The following TAFA2 variants were observed in gnomAD, a reference collection of about 807,000 sequenced individuals.
TAFA2 encodes the protein TAFA chemokine like family member 2.
In TAFA2, 7 loss-of-function variants were observed where a neutral mutation model predicts 18.8. The ratio of observed to expected loss-of-function variants is 0.37; its 90% CI spans 0.21 to 0.70. TAFA2 has a LOEUF of 0.70. TAFA2 is among the 30% of genes least tolerant of loss of function. The probability of loss-of-function intolerance (pLI) is 0.53; values close to 1 mark genes in which losing one functional copy is unlikely to be tolerated. For synonymous variants in TAFA2, 60 were observed against 54.2 expected, an observed-to-expected ratio of 1.11 and a Z score of -0.47; for missense variants, 122 against 158.1, an observed-to-expected ratio of 0.77 and a Z score of 1.23.
At chr12:62,015,196 A>G (rs1880892608) in intron 1 of TAFA2, among the ~76,000 whole-genome samples, 1 of 152,172 alleles carries the variant, frequency 6.6e-6, no homozygotes, top group Non-Finnish European at 1.5e-5. Flanking sequence ...TACAACTAAT[A>G]TATCATTTGT....
intron 1 of TAFA2, among the ~76,000 whole-genome samples, chr12:61,931,893 C>T (rs1019556009): frequency 2.0e-5 from 3 of 152,112 alleles, no homozygotes; most frequent in African/African-American, 7.2e-5. Context: ...ATATACAGGG[C>T]TCTTACCTGC....
chr12:62,075,996 A>G (rs1426129271), intron 1 of TAFA2, among the ~76,000 whole-genome samples: 1 of 152,212 alleles, frequency 6.6e-6, no homozygotes, highest in African/African-American at 2.4e-5. Context: ...CCTGGCAAAT[A>G]TTACTCAGTT....
chr12:61,743,410 A>AT (rs1330527783), intron 4 of TAFA2, among the ~76,000 whole-genome samples: 2 of 151,996 alleles, frequency 1.3e-5, no homozygotes, highest in Admixed American at 6.6e-5. Context: ...ACAAATCTAC[A>AT]TTTTTTTCTT....
At chr12:62,017,865 C>T (rs2136723846) in intron 1 of TAFA2, among the ~76,000 whole-genome samples, 1 of 152,268 alleles carries the variant, frequency 6.6e-6, no homozygotes, top group East Asian at 1.9e-4. Flanking sequence ...ACAACCTAAA[C>T]TGCCATTCAA....
chr12:61,824,016 G>GTCACT (rs1467482013), intron 2 of TAFA2, among the ~76,000 whole-genome samples: 3 of 152,092 alleles, frequency 2.0e-5, no homozygotes, highest in African/African-American at 7.2e-5. Flanking sequence ...GTGACAGGAT[G>GTCACT]TCACTTCACA....
At chr12:62,140,411 A>G (rs2062231453) in intron 1 of TAFA2, 1 of 152,156 alleles carries the variant, frequency 6.6e-6, no homozygotes, top group Admixed American at 6.5e-5. Context: ...TGCTATCCAT[A>G]TCTGGTGACC....
chr12:62,140,298 A>T (rs985408522), intron 1 of TAFA2: 4 of 152,186 alleles, frequency 2.6e-5, no homozygotes, highest in African/African-American at 9.7e-5. Context: ...TTTGGTAGAC[A>T]TTCAAAGAAG....
chr12:62,065,701 C>G (rs752996196), intron 1 of TAFA2, among the ~76,000 whole-genome samples: 25 of 150,364 alleles, frequency 1.7e-4, no homozygotes, highest in Non-Finnish European at 3.6e-4. Flanking sequence ...GATAAAAATT[C>G]TGTGTGTGTG....
intron 1 of TAFA2, among the ~76,000 whole-genome samples, chr12:61,962,545 C>CT (rs1266704031): frequency 1.3e-5 from 2 of 151,762 alleles, no homozygotes; most frequent in Non-Finnish European, 2.9e-5. Context: ...CATGGGAATT[C>CT]TTTTTTTAAA....
intron 4 of TAFA2, among the ~76,000 whole-genome samples, chr12:61,746,464 C>T (rs1025457952): frequency 6.6e-6 from 1 of 152,034 alleles, no homozygotes; most frequent in Non-Finnish European, 1.5e-5. Context: ...CAAACAAATT[C>T]TAACAATAGC....
Position 62,191,428 on chromosome 12 carries a change from TGTGA to T in TAFA2, c.-175_-172del, listed in dbSNP as rs943534403. 2.6e-5 allele frequency: 4 copies of T among 152,296 alleles called. No individual in the cohort carries two copies. Among genetic ancestry groups the T allele is most frequent in the African/African-American group, 7.3e-5 (3 of 41,326 alleles). The allele number at this position is 152,296 out of a possible 1,614,324, so 9.4% of individuals were successfully genotyped here. A position where few individuals can be genotyped will look rare whatever the true frequency, so the allele number is the denominator to read the frequency against. ...TGCTGTGTGATCGTGGAGGGCGGCG[TGTGA>T]GTGTGGCCCTGAGCGTGCGAGTGTG... On this transcript the variant is annotated 5_prime_UTR_variant, in exon 1 of 5. Transcript: ENST00000416284.
intron 1 of TAFA2, among the ~76,000 whole-genome samples, chr12:62,136,621 A>G (rs924599350): frequency 6.6e-6 from 1 of 152,182 alleles, no homozygotes; most frequent in African/African-American, 2.4e-5. Flanking sequence ...ATATACGCAG[A>G]GAAGTTTATA....
intron 1 of TAFA2, among the ~76,000 whole-genome samples, chr12:62,132,823 T>C (rs963471086): frequency 3.9e-5 from 6 of 151,932 alleles, no homozygotes; most frequent in Admixed American, 3.9e-4. Flanking sequence ...TATAATATTA[T>C]TACAATACAT....
intron 1 of TAFA2, among the ~76,000 whole-genome samples, chr12:62,247,778 T>C (rs918235666): frequency 1.3e-5 from 2 of 152,184 alleles, no homozygotes; most frequent in Non-Finnish European, 2.9e-5. Flanking sequence ...CAAAGACCTA[T>C]AATCAGGCAA....
chr12:62,023,711 CT>C (rs552876868), intron 1 of TAFA2: 117 of 151,702 alleles, frequency 7.7e-4, no homozygotes, highest in African/African-American at 2.7e-3. Context: ...TAGTTCTTTA[CT>C]TTTTCAATTC....
chr12:62,006,483 T>C (rs1880554669), intron 1 of TAFA2, among the ~76,000 whole-genome samples: 2 of 152,140 alleles, frequency 1.3e-5, no homozygotes, highest in African/African-American at 4.8e-5. Flanking sequence ...TATAATATCA[T>C]ATACACTTAA....
chr12:62,177,077 G>C (rs369231791), intron 1 of TAFA2, among the ~76,000 whole-genome samples: 1 of 152,174 alleles, frequency 6.6e-6, no homozygotes, highest in Non-Finnish European at 1.5e-5. Context: ...CTGGCATGTT[G>C]GTCAGGTTTT....
At position 62,085,760 on chromosome 12, in the gene TAFA2, C is replaced by G. The variant is rs139987395; in HGVS notation, c.-2+105499G>C. ...TGGATAACAGGCCTAAATGTAAGAG[C>G]TAAAACTGTAAGATTCTGATATGGT... On this transcript the variant is annotated intron_variant, in intron 1 of 4. Transcript: ENST00000416284. Among the ~76,000 whole-genome samples, 759 of 152,184 alleles carry G rather than the reference C, an allele frequency of 5.0e-3. 4 individuals carry two copies. The highest frequency in any genetic ancestry group is 0.017 in the African/African-American group (698 of 41,530).
intron 1 of TAFA2, among the ~76,000 whole-genome samples, chr12:61,932,219 A>C (rs1252022249): frequency 6.6e-6 from 1 of 152,360 alleles, no homozygotes; most frequent in African/African-American, 2.4e-5. Flanking sequence ...CCACAAATGC[A>C]GCCCATTGAT....
Sources: allele counts gnomAD v4.1 joint callset (sites outside exome capture counted in the v4.1 genomes callset), GRCh38; gene constraint gnomAD v4.1.1; transcripts MANE v1.5; gene names NCBI Gene and HGNC (gene_info 2026-07-23, HGNC 2026-07-21).